The following HCK variants were observed in gnomAD, a reference collection of about 807,000 sequenced individuals.
The protein encoded by HCK is tyrosine-protein kinase HCK.
HCK carries 40 observed loss-of-function variants against 70.4 expected under a neutral mutation model. That is an observed-to-expected ratio of 0.57 (90% CI 0.44 to 0.74). HCK has a LOEUF of 0.74. Ranked by LOEUF, HCK falls within the 30% of genes least tolerant of loss-of-function variation. The pLI, the probability that HCK is intolerant of heterozygous loss-of-function variation, is 0.00. For synonymous variants in HCK, 245 were observed against 263.2 expected, an observed-to-expected ratio of 0.93 and a Z score of 0.67; for missense variants, 568 against 697.2, an observed-to-expected ratio of 0.81 and a Z score of 2.09.
intron 1 of HCK, among the ~76,000 whole-genome samples, chr20:32,059,279 T>TCTC (rs1555874035): frequency 6.9e-6 from 1 of 145,960 alleles, no homozygotes; most frequent in Non-Finnish European, 1.5e-5. Context: ...AATGTTTTAA[T>TCTC]CTTCCTTCCT....
intron 1 of HCK, among the ~76,000 whole-genome samples, chr20:32,056,591 C>A (rs914831362): frequency 6.6e-6 from 1 of 151,890 alleles, no homozygotes; most frequent in Non-Finnish European, 1.5e-5. Context: ...TTTTACATTC[C>A]CACCGTAATA....
In HCK at chr20:32,093,856, G is replaced by A; in HGVS notation, c.1093-7G>A. On this transcript the variant is annotated splice_region_variant and splice_polypyrimidine_tract_variant and intron_variant, in intron 10 of 12. Transcript: ENST00000375852. ...TGAGGACAAAGGTGTCTCTGTTTGG[G>A]GTGCAGATTGCAGAAGGCATGGCCT... 1 of 1,608,728 alleles carries A rather than the reference G, an allele frequency of 6.2e-7. No homozygotes were observed. The highest frequency in any genetic ancestry group is 8.5e-7 in the Non-Finnish European group (1 of 1,177,466).
intron 1 of HCK, 142 bp downstream of exon 1, chr20:32,052,628 G>T (rs1286615961): frequency 3.7e-6 from 2 of 542,668 alleles, no homozygotes; most frequent in Non-Finnish European, 2.9e-6. Context: ...GGGAGCCGCG[G>T]GTAGCCCGGG....
chr20:32,096,784 G>A (rs538718492), intron 11 of HCK, among the ~76,000 whole-genome samples: 4 of 152,216 alleles, frequency 2.6e-5, no homozygotes, highest in African/African-American at 9.6e-5. Flanking sequence ...TTACAGGCAT[G>A]AGCCACTATG....
chr20:32,076,349 C>A (rs1463033626), intron 5 of HCK, among the ~76,000 whole-genome samples: 1 of 151,920 alleles, frequency 6.6e-6, no homozygotes, highest in East Asian at 1.9e-4. Flanking sequence ...TTATGTCACC[C>A]CTTCTTAGTG....
intron 1 of HCK, among the ~76,000 whole-genome samples, chr20:32,060,000 T>G (rs987645431): frequency 7.9e-5 from 12 of 152,130 alleles, no homozygotes; most frequent in Non-Finnish European, 1.6e-4. Context: ...GGATTCCATT[T>G]GTGGAGGACA....
At chr20:32,071,235 T>G (rs2045533794) in intron 1 of HCK, among the ~76,000 whole-genome samples, 1 of 151,670 alleles carries the variant, frequency 6.6e-6, no homozygotes, top group Non-Finnish European at 1.5e-5. Flanking sequence ...ACCTGAGAGG[T>G]GGGTAGGGGC....
In HCK at chr20:32,064,969, G is replaced by A. The variant is rs1396849065; in HGVS notation, c.63-6693G>A. 2.0e-5 allele frequency among the ~76,000 whole-genome samples: 3 copies of A among 152,360 alleles called. No homozygotes were observed. The East Asian group carries it at 5.8e-4, about 29-fold the overall frequency. ...CAGACTGCTTCTGCTCTCAGAGCGT[G>A]CTTTTGAAGCACATTAGATGAGAAA... On this transcript the variant is annotated intron_variant, in intron 1 of 12. Transcript: ENST00000375852.
chr20:32,076,782 A>G (rs906365494), intron 5 of HCK, among the ~76,000 whole-genome samples: 6 of 151,998 alleles, frequency 3.9e-5, no homozygotes, highest in African/African-American at 1.5e-4. Context: ...CTTGGGAACC[A>G]CTGATCTAAA....
At chr20:32,069,284 G>C (rs2045504166) in intron 1 of HCK, among the ~76,000 whole-genome samples, 1 of 152,168 alleles carries the variant, frequency 6.6e-6, no homozygotes, top group Non-Finnish European at 1.5e-5. Flanking sequence ...CCTCCCTCGG[G>C]ACCCTGTGGC....
chr20:32,077,817 C>G (rs1465266904), intron 5 of HCK, among the ~76,000 whole-genome samples: 2 of 152,160 alleles, frequency 1.3e-5, no homozygotes, highest in African/African-American at 4.8e-5. Flanking sequence ...AGCCACTGCT[C>G]CCGGACACCT....
At chr20:32,098,301 G>A (rs770733393) in intron 11 of HCK, among the ~76,000 whole-genome samples, 8 of 152,000 alleles carry the variant, frequency 5.3e-5, no homozygotes, top group Non-Finnish European at 8.8e-5. Context: ...AAAGTGCTGG[G>A]ATTACAGGCA....
In HCK at chr20:32,072,024, A is replaced by G. The variant is rs1190948297; in HGVS notation, c.183+242A>G. 9.5e-6 allele frequency: 5 copies of G among 524,192 alleles called. No homozygotes were observed. The African/African-American group carries it at 9.6e-5, about 10-fold the overall frequency. 32.5% of individuals were successfully genotyped at this position (524,192 alleles called of 1,614,324 possible). A position where few individuals can be genotyped will look rare whatever the true frequency, so the allele number is the denominator to read the frequency against. ...TTGGCCCCTCAGCCTGAGCTCCACCAAACAGGTGTGAGTGAGCATCTCAGG... is the reference window on the plus strand; with the variant it reads ...TTGGCCCCTCAGCCTGAGCTCCACCGAACAGGTGTGAGTGAGCATCTCAGG... On this transcript the variant is annotated intron_variant, in intron 2 of 12. Coordinates refer to ENST00000375852, the MANE Select transcript of HCK (RefSeq NM_002110.5).
At chr20:32,053,432 G>T (rs2045212340) in intron 1 of HCK, among the ~76,000 whole-genome samples, 1 of 151,874 alleles carries the variant, frequency 6.6e-6, no homozygotes, top group Non-Finnish European at 1.5e-5. Flanking sequence ...GAGGTCTAGA[G>T]TTTGAGACCA....
intron 1 of HCK, among the ~76,000 whole-genome samples, chr20:32,070,025 T>C (rs2045515390): frequency 6.6e-6 from 1 of 152,182 alleles, no homozygotes; most frequent in Non-Finnish European, 1.5e-5. Flanking sequence ...ACTTTTACAA[T>C]TATGTTTTGA....
chr20:32,062,490 C>T (rs1237549646), intron 1 of HCK, among the ~76,000 whole-genome samples: 1 of 152,170 alleles, frequency 6.6e-6, no homozygotes, highest in East Asian at 1.9e-4. Context: ...ACACAGGCAT[C>T]TCAGAGCCAG....
At chr20:32,074,471 C>G (rs6061154) in intron 4 of HCK, 152 bp from the exon 5 acceptor site, 474,168 of 642,184 alleles carry the variant, frequency 0.74, 177,259 homozygotes, top group East Asian at 1. Context: ...CTAATCATGG[C>G]CACATGCTGG....
intron 12 of HCK, among the ~76,000 whole-genome samples, chr20:32,099,497 A>G (rs191797546): frequency 6.6e-6 from 1 of 151,772 alleles, no homozygotes; most frequent in Non-Finnish European, 1.5e-5. Context: ...AACTGGGATT[A>G]CAAGCATCCA....
At chr20:32,053,349 C>G (rs546831596) in intron 1 of HCK, among the ~76,000 whole-genome samples, 1 of 151,984 alleles carries the variant, frequency 6.6e-6, no homozygotes, top group East Asian at 1.9e-4. Flanking sequence ...TAATTGGGTA[C>G]TGAAGGGGCC....
Sources: allele counts gnomAD v4.1 joint callset (sites outside exome capture counted in the v4.1 genomes callset), GRCh38; gene constraint gnomAD v4.1.1; transcripts MANE v1.5; gene names NCBI Gene and HGNC (gene_info 2026-07-23, HGNC 2026-07-21).